Variants in CFDP1 observed in about 807,000 individuals in gnomAD.
CFDP1 encodes the protein chromatin remodeling protein CFDP1.
In CFDP1, 31 loss-of-function variants were observed where a neutral mutation model predicts 40.1. That is an observed-to-expected ratio of 0.77 (90% CI 0.58 to 1.04). The LOEUF (loss-of-function observed/expected upper bound fraction) is 1.04. Ranked by LOEUF, CFDP1 falls within the 50% of genes least tolerant of loss-of-function variation. The pLI, the probability that CFDP1 is intolerant of heterozygous loss-of-function variation, is 0.00. For synonymous variants in CFDP1, 167 were observed against 120.0 expected (o/e 1.39, Z -2.56); for missense variants, 423 against 343.4 (o/e 1.23, Z -1.83).
chr16:75,339,192 CTCTT>C (rs1025939509), intron 5 of CFDP1, among the ~76,000 whole-genome samples: 186 of 152,100 alleles, frequency 1.2e-3, no homozygotes, highest in African/African-American at 4.3e-3. Flanking sequence ...GCCTTTCTAT[CTCTT>C]TGTCTTATTT....
chr16:75,302,983 C>T (rs1206641157), intron 6 of CFDP1, among the ~76,000 whole-genome samples: 2 of 152,088 alleles, frequency 1.3e-5, no homozygotes, highest in Non-Finnish European at 1.5e-5. Flanking sequence ...GCAGATCACC[C>T]GAGGTCAGGA....
chr16:75,423,046 C>A (rs942036011), intron 1 of CFDP1, among the ~76,000 whole-genome samples: 3 of 151,796 alleles, frequency 2.0e-5, no homozygotes, highest in Admixed American at 6.6e-5. Context: ...TTTGGGAGGC[C>A]GAGGTGGGCG....
intron 5 of CFDP1, among the ~76,000 whole-genome samples, chr16:75,306,736 T>G (rs2078259548): frequency 6.6e-6 from 1 of 152,178 alleles, no homozygotes; most frequent in African/African-American, 2.4e-5. Context: ...AGAAGTGACT[T>G]GAGAGATTTT....
intron 4 of CFDP1, among the ~76,000 whole-genome samples, chr16:75,400,499 T>TGGA (rs2079042339): frequency 6.6e-6 from 1 of 152,120 alleles, no homozygotes; most frequent in African/African-American, 2.4e-5. Flanking sequence ...TAAAACCAGT[T>TGGA]GGAATTATCC....
At chr16:75,313,358 C>G (rs1055447608) in intron 5 of CFDP1, among the ~76,000 whole-genome samples, 40 of 152,128 alleles carry the variant, frequency 2.6e-4, no homozygotes, top group African/African-American at 8.9e-4. Flanking sequence ...TTGACAGGGT[C>G]TCGCTCTGTC....
In CFDP1 at chr16:75,352,899, T is replaced by C. The variant is rs536271358; in HGVS notation, c.650+42191A>G. On this transcript the variant is annotated intron_variant, in intron 5 of 6. Coordinates refer to ENST00000283882, the MANE Select transcript of CFDP1 (RefSeq NM_006324.3). ...GTCCCAAAATAAAACATCACTCTAA[T>C]ACAGTCTTGATAAGAAAAACTATAT... Among the ~76,000 whole-genome samples the C allele has an allele frequency of 1.4e-4, 21 of 152,318 alleles. No individual in the cohort carries two copies. The East Asian group carries it at 4.0e-3, about 29-fold the overall frequency.
At chr16:75,360,881 A>T (rs905035272) in intron 5 of CFDP1, among the ~76,000 whole-genome samples, 1 of 152,262 alleles carries the variant, frequency 6.6e-6, no homozygotes, top group Non-Finnish European at 1.5e-5. Flanking sequence ...AAAGATTCAC[A>T]TAAGAATTCT....
intron 5 of CFDP1, among the ~76,000 whole-genome samples, chr16:75,341,679 A>G (rs1441192157): frequency 2.0e-5 from 3 of 149,852 alleles, no homozygotes; most frequent in Admixed American, 2.0e-4. Flanking sequence ...AAAAGGCCTG[A>G]CCCTGCAATG....
rs933644597 is a variant in CFDP1 at position 75,294,894 on chromosome 16, G to A, written c.810-852C>T. Among the ~76,000 whole-genome samples, 12 of 152,270 alleles carry A rather than the reference G, an allele frequency of 7.9e-5. 1 individual carries two copies. The East Asian group carries it at 1.4e-3, about 17-fold the overall frequency. ...AAGCAGCAAGGGCTGAAGCACAGGC[G>A]CGCTTGCTAGGAGTGAGGCTGGCTG... On this transcript the variant is annotated intron_variant, in intron 6 of 6. Transcript: ENST00000283882.
intron 5 of CFDP1, among the ~76,000 whole-genome samples, chr16:75,348,451 CAAAA>C (rs1433981959): frequency 1.3e-5 from 2 of 152,054 alleles, no homozygotes; most frequent in Non-Finnish European, 2.9e-5. Flanking sequence ...AAACAATAAA[CAAAA>C]AAATCAACTT....
At chr16:75,394,579 C>T (rs1468192797) in intron 5 of CFDP1, 1 of 149,764 alleles carries the variant, frequency 6.7e-6, no homozygotes, top group Non-Finnish European at 1.5e-5. Context: ...TTTACACGTT[C>T]AGCTTTGTGT....
chr16:75,310,139 A>G (rs1240110611), intron 5 of CFDP1, among the ~76,000 whole-genome samples: 4 of 152,224 alleles, frequency 2.6e-5, no homozygotes, highest in Non-Finnish European at 5.9e-5. Context: ...TGAACATCAC[A>G]TGACTTTGTT....
chr16:75,430,780 T>TA (rs1277867274), intron 1 of CFDP1, among the ~76,000 whole-genome samples: 8 of 152,170 alleles, frequency 5.3e-5, no homozygotes, highest in African/African-American at 1.9e-4. Flanking sequence ...AGTTTTATCA[T>TA]ACAGATGAAG....
At chr16:75,372,332 A>G (rs867265195) in intron 5 of CFDP1, 15 of 152,222 alleles carry the variant, frequency 9.9e-5, no homozygotes, top group African/African-American at 2.7e-4. Context: ...ATATCTGTTC[A>G]TGAATAACTC....
intron 5 of CFDP1, among the ~76,000 whole-genome samples, chr16:75,394,431 T>C (rs907988803): frequency 3.9e-5 from 6 of 152,196 alleles, no homozygotes; most frequent in African/African-American, 2.4e-5. Context: ...AAGAAAACTA[T>C]TTGTAAATCA....
At chr16:75,356,732 AT>A (rs1287685026) in intron 5 of CFDP1, among the ~76,000 whole-genome samples, 1 of 152,188 alleles carries the variant, frequency 6.6e-6, no homozygotes, top group African/African-American at 2.4e-5. Context: ...ATTTAAAAAA[AT>A]AATAAGAAGA....
intron 5 of CFDP1, among the ~76,000 whole-genome samples, chr16:75,375,844 C>G (rs1222632903): frequency 6.6e-6 from 1 of 151,270 alleles, no homozygotes; most frequent in African/African-American, 2.4e-5. Flanking sequence ...TACGTATGGA[C>G]CAAGTAGAAC....
chr16:75,421,196 C>A lies in CFDP1; in HGVS notation c.65-6501G>T, dbSNP rs554465974. On this transcript the variant is annotated intron_variant, in intron 1 of 6. Transcript: ENST00000283882. ...GTGTGCAACCTGGGATTCAAAGCTG[C>A]AAGGCAGGAAGCACAGCAGCAGGAA... 2.0e-5 allele frequency among the ~76,000 whole-genome samples: 3 copies of A among 152,250 alleles called. No individual in the cohort carries two copies. The South Asian group carries it at 6.2e-4, about 32-fold the overall frequency.
intron 4 of CFDP1, among the ~76,000 whole-genome samples, chr16:75,400,604 C>A (rs2079043400): frequency 6.6e-6 from 1 of 152,158 alleles, no homozygotes; most frequent in South Asian, 2.1e-4. Flanking sequence ...ACCCATTACT[C>A]TGGAGAAATG....
Sources: allele counts gnomAD v4.1 joint callset (sites outside exome capture counted in the v4.1 genomes callset), GRCh38; gene constraint gnomAD v4.1.1; transcripts MANE v1.5; gene names NCBI Gene and HGNC (gene_info 2026-07-23, HGNC 2026-07-21).